The following CAMK2D variants were observed in gnomAD, a reference collection of about 807,000 sequenced individuals.
The protein encoded by CAMK2D is calcium/calmodulin-dependent protein kinase type II subunit delta.
A neutral mutation model predicts 84.0 loss-of-function variants in CAMK2D; 37 were observed. The ratio of observed to expected loss-of-function variants is 0.44; its 90% CI spans 0.34 to 0.58. The LOEUF (loss-of-function observed/expected upper bound fraction) is 0.58. CAMK2D is among the 20% of genes least tolerant of loss of function. CAMK2D has a pLI of 0.02. For missense variants in CAMK2D, 448 were observed against 652.5 expected (o/e 0.69, Z 3.41); for synonymous variants, 202 against 212.5 (o/e 0.95, Z 0.43).
intron 3 of CAMK2D, among the ~76,000 whole-genome samples, chr4:113,645,248 C>T (rs2099147141): frequency 1.3e-5 from 2 of 152,118 alleles, no homozygotes; most frequent in Admixed American, 6.5e-5. Flanking sequence ...GATCTCCTGA[C>T]CTCATGATCC....
At chr4:113,725,080 T>G (rs956518698) in intron 2 of CAMK2D, among the ~76,000 whole-genome samples, 1 of 152,080 alleles carries the variant, frequency 6.6e-6, no homozygotes, top group Non-Finnish European at 1.5e-5. Flanking sequence ...TAGATATGCA[T>G]TAAAACCCAT....
chr4:113,538,208 G>T (rs902731069), intron 6 of CAMK2D, among the ~76,000 whole-genome samples: 9 of 151,544 alleles, frequency 5.9e-5, no homozygotes, highest in African/African-American at 2.2e-4. Context: ...TTATTTTCTT[G>T]GGTACTTATC....
chr4:113,498,779 G>A (rs1393021893), intron 16 of CAMK2D, among the ~76,000 whole-genome samples: 1 of 151,996 alleles, frequency 6.6e-6, no homozygotes, highest in Admixed American at 6.6e-5. Context: ...CAAACTACAA[G>A]GTAACACTGA....
At chr4:113,612,075 T>G (rs1442395013) in intron 3 of CAMK2D, among the ~76,000 whole-genome samples, 4 of 152,202 alleles carry the variant, frequency 2.6e-5, no homozygotes, top group East Asian at 1.9e-4. Context: ...GAAATTGTCA[T>G]GATTTTTACT....
chr4:113,462,275 T>A, intron 17 of CAMK2D, among the ~76,000 whole-genome samples: 1 of 63,920 alleles, frequency 1.6e-5, no homozygotes, highest in South Asian at 5.8e-4. Context: ...AATGTGTGTG[T>A]GTGTGTGTGT....
At chr4:113,739,960 C>A (rs2148903889) in intron 2 of CAMK2D, among the ~76,000 whole-genome samples, 1 of 152,190 alleles carries the variant, frequency 6.6e-6, no homozygotes, top group Non-Finnish European at 1.5e-5. Context: ...CCTCTTCACT[C>A]CATTTCTTTT....
chr4:113,639,848 A>G (rs2099125154), intron 3 of CAMK2D, among the ~76,000 whole-genome samples: 1 of 152,098 alleles, frequency 6.6e-6, no homozygotes, highest in Admixed American at 6.6e-5. Flanking sequence ...AGCCTGATAA[A>G]TTAGGGAGCC....
intron 8 of CAMK2D, among the ~76,000 whole-genome samples, chr4:113,529,820 C>A (rs966690641): frequency 6.6e-6 from 1 of 152,130 alleles, no homozygotes; most frequent in African/African-American, 2.4e-5. Flanking sequence ...GTATCATGGG[C>A]AAACATAATA....
intron 7 of CAMK2D, among the ~76,000 whole-genome samples, chr4:113,534,490 T>C (rs894608790): frequency 6.6e-6 from 1 of 152,230 alleles, no homozygotes; most frequent in Non-Finnish European, 1.5e-5. Flanking sequence ...TAATTGCTGA[T>C]AGCACCATGC....
chr4:113,592,318 A>G (rs1209649767), intron 4 of CAMK2D, among the ~76,000 whole-genome samples: 4 of 152,198 alleles, frequency 2.6e-5, no homozygotes, highest in Non-Finnish European at 5.9e-5. Context: ...TTAGCCTAAC[A>G]TGTTTTAAAT....
At chr4:113,660,942 C>G (rs1396953102) in intron 3 of CAMK2D, among the ~76,000 whole-genome samples, 1 of 151,716 alleles carries the variant, frequency 6.6e-6, no homozygotes, top group Non-Finnish European at 1.5e-5. Context: ...ACTACAGGCG[C>G]CCGCCACCAC....
At chr4:113,594,881 A>G (rs2098916979) in intron 4 of CAMK2D, among the ~76,000 whole-genome samples, 1 of 152,204 alleles carries the variant, frequency 6.6e-6, no homozygotes, top group Non-Finnish European at 1.5e-5. Context: ...AAATAGTAAC[A>G]ACATTTGAAG....
chr4:113,530,836 G>A (rs577347156), intron 8 of CAMK2D, among the ~76,000 whole-genome samples: 2 of 152,272 alleles, frequency 1.3e-5, no homozygotes, highest in South Asian at 4.1e-4. Flanking sequence ...TGTAATCCCA[G>A]CACTTTGAGA....
chr4:113,715,202 C>A (rs540323350), intron 2 of CAMK2D, among the ~76,000 whole-genome samples: 3 of 152,146 alleles, frequency 2.0e-5, no homozygotes, highest in African/African-American at 7.2e-5. Flanking sequence ...TGATCTTGAT[C>A]TAGCAACTTT....
intron 18 of CAMK2D, among the ~76,000 whole-genome samples, chr4:113,458,342 T>A (rs2097330119): frequency 6.6e-6 from 1 of 152,226 alleles, no homozygotes; most frequent in South Asian, 2.1e-4. Flanking sequence ...GCACATCACT[T>A]ATTGATGCTG....
At position 113,532,400 on chromosome 4, in the gene CAMK2D, G is replaced by A. The variant is rs138143702; in HGVS notation, c.518-1101C>T. On this transcript the variant is annotated intron_variant, in intron 7 of 20. Transcript: ENST00000511664. ...AATTTAAGCTTCAAATGGACCCTGG[G>A]TAATCCATCTGTACCTCAAACTCGA... Among the ~76,000 whole-genome samples, 36 of 152,232 alleles carry A rather than the reference G, an allele frequency of 2.4e-4. 1 individual carries two copies. The highest frequency in any genetic ancestry group is 8.7e-4 in the African/African-American group (36 of 41,550).
intron 4 of CAMK2D, among the ~76,000 whole-genome samples, chr4:113,575,584 T>C (rs1323217676): frequency 6.6e-6 from 1 of 152,222 alleles, no homozygotes; most frequent in Non-Finnish European, 1.5e-5. Context: ...CCAAGTCCTG[T>C]CAAACCACAA....
chr4:113,591,018 C>T (rs149294901), intron 4 of CAMK2D, among the ~76,000 whole-genome samples: 20 of 152,124 alleles, frequency 1.3e-4, no homozygotes, highest in Admixed American at 1.3e-3. Context: ...TTGTTGAGTG[C>T]CTGGTATGTT....
chr4:113,605,457 AGT>A (rs2098972985), intron 4 of CAMK2D, among the ~76,000 whole-genome samples: 3 of 152,216 alleles, frequency 2.0e-5, no homozygotes, highest in African/African-American at 7.2e-5. Context: ...GACAGAAAAA[AGT>A]GTTTCCTCCC....
Sources: allele counts gnomAD v4.1 joint callset (sites outside exome capture counted in the v4.1 genomes callset), GRCh38; gene constraint gnomAD v4.1.1; transcripts MANE v1.5; gene names NCBI Gene and HGNC (gene_info 2026-07-23, HGNC 2026-07-21).